The following ANKRD27 variants were observed in gnomAD, a reference collection of about 807,000 sequenced individuals.
ANKRD27 encodes ankyrin repeat domain-containing protein 27.
A neutral mutation model predicts 129.7 loss-of-function variants in ANKRD27; 112 were observed. The ratio of observed to expected loss-of-function variants is 0.86; its 90% CI spans 0.74 to 1.01. The LOEUF (loss-of-function observed/expected upper bound fraction) is 1.01, where lower values mean the gene tolerates loss of function less well. Among genes scored for constraint, ANKRD27 ranks in the 50% least tolerant of loss-of-function variants. ANKRD27 has a pLI of 0.00. For missense variants in ANKRD27, 1,258 were observed against 1,300.5 expected, an observed-to-expected ratio of 0.97 and a Z score of 0.50; for synonymous variants, 516 against 511.2, an observed-to-expected ratio of 1.01 and a Z score of -0.13.
intron 15 of ANKRD27, among the ~76,000 whole-genome samples, chr19:32,627,130 T>C (rs759354620): frequency 6.6e-6 from 1 of 152,134 alleles, no homozygotes; most frequent in Non-Finnish European, 1.5e-5. Flanking sequence ...TGGAGTATTA[T>C]GCAGCCATTA....
Position 32,619,656 on chromosome 19 carries a change from T to C in ANKRD27, c.1828-103A>G, listed in dbSNP as rs1971978676. On this transcript the variant is annotated intron_variant, in intron 18 of 28. Transcript: ENST00000306065. ...CCACTGCCGGCCTAGCTCCTCGGAA[T>C]GTCAGTGCAGTGAGCCTTAGGTCAC... The C allele has an allele frequency of 3.5e-6, 5 of 1,411,062 alleles. No homozygotes were observed. The East Asian group carries it at 6.9e-5, about 19-fold the overall frequency. The allele number at this position is 1,411,062 out of a possible 1,614,324, so 87.4% of individuals were successfully genotyped here. A position where few individuals can be genotyped will look rare whatever the true frequency, so the allele number is the denominator to read the frequency against.
chr19:32,659,133 C>CTTTTTTTTTT lies in ANKRD27; in HGVS notation c.-30-89_-30-88insAAAAAAAAAA, dbSNP rs200281838. The CTTTTTTTTTT allele has an allele frequency of 6.2e-6, 2 of 324,546 alleles. 1 individual carries two copies. The highest frequency in any genetic ancestry group is 1.1e-5 in the Non-Finnish European group (2 of 180,974). 20.1% of individuals were successfully genotyped at this position (324,546 alleles called of 1,614,324 possible). A position where few individuals can be genotyped will look rare whatever the true frequency, so the allele number is the denominator to read the frequency against. On this transcript the variant is annotated intron_variant, in intron 1 of 28. Coordinates refer to ENST00000306065, the MANE Select transcript of ANKRD27 (RefSeq NM_032139.3). Reference sequence around the variant, plus strand: ...CTGCATCTGATGCATCTGGCATTTTCTTTTTCTTTTTTTTTTTTTTTTTGA... The same window carrying CTTTTTTTTTT: ...CTGCATCTGATGCATCTGGCATTTTCTTTTTTTTTTTTTTTCTTTTTTTTTTTTTTTTTGA...
intron 12 of ANKRD27, among the ~76,000 whole-genome samples, chr19:32,634,877 T>G (rs1478367211): frequency 1.3e-5 from 2 of 152,068 alleles, no homozygotes; most frequent in Non-Finnish European, 2.9e-5. Flanking sequence ...ATTGCACCAC[T>G]GCACTCCCGT....
At position 32,601,419 on chromosome 19, in the gene ANKRD27, G is replaced by A. The variant is rs570616271; in HGVS notation, c.2767+596C>T. On this transcript the variant is annotated intron_variant, in intron 26 of 28. Transcript: ENST00000306065. ...AGACCATCCTGGCTAACACGGTGAA[G>A]CCCCTCTCTACTAAAAATACAAAAA... Among the ~76,000 whole-genome samples, 937 of 151,986 alleles carry A rather than the reference G, an allele frequency of 6.2e-3. 5 individuals carry two copies. Among genetic ancestry groups the A allele is most frequent in the Middle Eastern group, 0.014 (4 of 294 alleles).
At chr19:32,627,304 C>T (rs1332480283) in intron 15 of ANKRD27, among the ~76,000 whole-genome samples, 1 of 152,128 alleles carries the variant, frequency 6.6e-6, no homozygotes, top group Non-Finnish European at 1.5e-5. Context: ...CTCTGGGAGA[C>T]AGGGATGGCC....
chr19:32,608,745 A>G (rs1971789445), intron 22 of ANKRD27, among the ~76,000 whole-genome samples: 1 of 152,120 alleles, frequency 6.6e-6, no homozygotes, highest in Non-Finnish European at 1.5e-5. Flanking sequence ...TGAGGTCAGG[A>G]GTTCTAGACC....
intron 4 of ANKRD27, among the ~76,000 whole-genome samples, chr19:32,646,227 C>T (rs150152358): frequency 1.9e-3 from 288 of 152,190 alleles, no homozygotes; most frequent in African/African-American, 6.5e-3. Context: ...CCACTGCGCC[C>T]GGCTTGATTT....
intron 1 of ANKRD27, chr19:32,672,637 G>C (rs1466909571): frequency 1.3e-5 from 2 of 152,556 alleles, no homozygotes; most frequent in African/African-American, 4.8e-5. Flanking sequence ...CACAGTGATA[G>C]CTGGAATGGG....
intron 24 of ANKRD27, 54 bp downstream of exon 24, chr19:32,605,781 G>T (rs1971723646): frequency 6.3e-7 from 1 of 1,597,674 alleles, no homozygotes; most frequent in African/African-American, 1.3e-5. Flanking sequence ...CTGGGTGGAG[G>T]CGCCCTGTTA....
At chr19:32,644,951 G>A (rs1013791720) in intron 4 of ANKRD27, among the ~76,000 whole-genome samples, 2 of 152,038 alleles carry the variant, frequency 1.3e-5, no homozygotes, top group Non-Finnish European at 2.9e-5. Flanking sequence ...CTGTCTATGC[G>A]AATGCTGCCT....
intron 2 of ANKRD27, among the ~76,000 whole-genome samples, 178 bp downstream of exon 2, chr19:32,658,736 A>C (rs992912801): frequency 9.9e-5 from 15 of 152,184 alleles, no homozygotes; most frequent in Non-Finnish European, 1.5e-4. Context: ...CAGTCCCAGA[A>C]GGCTTCCTGG....
rs753463288 is a variant in ANKRD27 at position 32,605,821 on chromosome 19, G to A, written c.2493+14C>T. ...GCGCAGGTGTGTAGAATGAGGACAG[G>A]AAGGGGCCCTCACCTGTAGCAGCAG... On this transcript the variant is annotated intron_variant, in intron 24 of 28. Transcript: ENST00000306065. 10 of 1,612,248 alleles carry A rather than the reference G, an allele frequency of 6.2e-6. No individual in the cohort carries two copies. The highest frequency in any genetic ancestry group is 8.5e-6 in the Non-Finnish European group (10 of 1,179,256).
At chr19:32,598,489 C>T (rs1207870831) in intron 28 of ANKRD27, 111 bp from the exon 29 acceptor site, 1 of 928,150 alleles carries the variant, frequency 1.1e-6, no homozygotes, top group East Asian at 2.5e-5. Flanking sequence ...GTGCTCAGTG[C>T]TTGACAGGCA....
At chr19:32,673,711 G>A (rs1219816712) in intron 1 of ANKRD27, among the ~76,000 whole-genome samples, 1 of 152,164 alleles carries the variant, frequency 6.6e-6, no homozygotes, top group Non-Finnish European at 1.5e-5. Flanking sequence ...GAGTACCCAA[G>A]CCCTGGCAGC....
At chr19:32,604,694 T>C (rs1005081798) in intron 24 of ANKRD27, among the ~76,000 whole-genome samples, 9 of 152,288 alleles carry the variant, frequency 5.9e-5, no homozygotes, top group Non-Finnish European at 8.8e-5. Context: ...GGTATATCCA[T>C]AGTTATGCAA....
At chr19:32,604,926 G>A (rs1231563906) in intron 24 of ANKRD27, among the ~76,000 whole-genome samples, 1 of 151,792 alleles carries the variant, frequency 6.6e-6, no homozygotes, top group Non-Finnish European at 1.5e-5. Context: ...AAAAAAATTA[G>A]CTGGGCATGG....
rs377123805 is a variant in ANKRD27, at chr19:32,654,585, A to T, written c.102+4329T>A. Among the ~76,000 whole-genome samples, 3 of 152,218 alleles carry T rather than the reference A, an allele frequency of 2.0e-5. No individual in the cohort carries two copies. In the South Asian group the frequency reaches 6.2e-4, roughly 32 times the overall value. Reference sequence around the variant, plus strand: ...AAGAGGGGGCCGGCATGGGCCAGCAAACCTGACCAGTGTGACAGTGACAGC... The same window carrying T: ...AAGAGGGGGCCGGCATGGGCCAGCATACCTGACCAGTGTGACAGTGACAGC... On this transcript the variant is annotated intron_variant, in intron 2 of 28. Transcript: ENST00000306065.
chr19:32,602,647 C>CT (rs1242524855), intron 25 of ANKRD27, among the ~76,000 whole-genome samples: 1 of 151,870 alleles, frequency 6.6e-6, no homozygotes, highest in African/African-American at 2.4e-5. Context: ...AATCTCAGCA[C>CT]TTTTGAGAGG....
intron 28 of ANKRD27, among the ~76,000 whole-genome samples, chr19:32,599,373 T>C (rs1971616832): frequency 6.6e-6 from 1 of 152,208 alleles, no homozygotes; most frequent in Admixed American, 6.5e-5. Flanking sequence ...CATTTACCCA[T>C]CTATATACAA....
Sources: gnomAD v4.1 joint callset for allele counts (sites outside exome capture counted in the v4.1 genomes callset) on GRCh38, gnomAD v4.1.1 for gene constraint, MANE v1.5 for transcripts, NCBI Gene and HGNC (gene_info 2026-07-23, HGNC 2026-07-21) for gene names.